Variants in KLHL29 observed in about 807,000 individuals in gnomAD.
KLHL29 encodes kelch-like protein 29.
In KLHL29, 21 loss-of-function variants were observed where a neutral mutation model predicts 80.4. That is an observed-to-expected ratio of 0.26 (90% CI 0.19 to 0.38). The LOEUF (loss-of-function observed/expected upper bound fraction) is 0.38, where lower values mean the gene tolerates loss of function less well. Ranked by LOEUF, KLHL29 falls within the 10% of genes least tolerant of loss-of-function variation. The probability of loss-of-function intolerance (pLI) is 1.00; values close to 1 mark genes in which losing one functional copy is unlikely to be tolerated. For synonymous variants in KLHL29, 511 were observed against 526.8 expected, an observed-to-expected ratio of 0.97 and a Z score of 0.41; for missense variants, 867 against 1,223.9, an observed-to-expected ratio of 0.71 and a Z score of 4.35.
chr2:23,389,770 G>A (rs995517744), intron 1 of KLHL29, among the ~76,000 whole-genome samples: 24 of 152,116 alleles, frequency 1.6e-4, no homozygotes, highest in African/African-American at 5.6e-4. Flanking sequence ...ATCTTTCACT[G>A]TGCTAGACAC....
At chr2:23,579,590 A>G (rs1667930341) in intron 3 of KLHL29, among the ~76,000 whole-genome samples, 1 of 152,086 alleles carries the variant, frequency 6.6e-6, no homozygotes, top group Non-Finnish European at 1.5e-5. Flanking sequence ...TTTTCCCTCC[A>G]GTCCCACTTC....
intron 3 of KLHL29, among the ~76,000 whole-genome samples, chr2:23,638,084 G>GAAAAAA (rs1164010247): frequency 3.0e-5 from 1 of 33,466 alleles, no homozygotes; most frequent in African/African-American, 1.3e-4. Flanking sequence ...AATGGCCATA[G>GAAAAAA]TAAAAAAAAA....
chr2:23,604,989 C>G (rs1216731434), intron 3 of KLHL29, among the ~76,000 whole-genome samples: 1 of 152,166 alleles, frequency 6.6e-6, no homozygotes, highest in African/African-American at 2.4e-5. Context: ...GCTGAGCGCC[C>G]CAACTCCACC....
intron 2 of KLHL29, among the ~76,000 whole-genome samples, chr2:23,526,615 G>C (rs1666328802): frequency 6.6e-6 from 1 of 152,192 alleles, no homozygotes; most frequent in Non-Finnish European, 1.5e-5. Context: ...GAGTGACCTG[G>C]CCTCCTCATG....
At chr2:23,522,493 G>A (rs1666134986) in intron 2 of KLHL29, among the ~76,000 whole-genome samples, 1 of 152,088 alleles carries the variant, frequency 6.6e-6, no homozygotes, top group Non-Finnish European at 1.5e-5. Context: ...GTTATGTTTG[G>A]GATCACAGAA....
At chr2:23,545,926 G>T (rs1246949270) in intron 2 of KLHL29, among the ~76,000 whole-genome samples, 1 of 152,206 alleles carries the variant, frequency 6.6e-6, no homozygotes, top group African/African-American at 2.4e-5. Context: ...AGACCCCTTT[G>T]TTGAGCCCCA....
At chr2:23,469,878 C>T (rs1664448285) in intron 1 of KLHL29, among the ~76,000 whole-genome samples, 4 of 151,794 alleles carry the variant, frequency 2.6e-5, no homozygotes, top group South Asian at 2.1e-4. Context: ...AGGGTCATTC[C>T]GGTTCTGCTT....
intron 2 of KLHL29, among the ~76,000 whole-genome samples, chr2:23,524,515 C>A (rs1050500927): frequency 1.1e-4 from 16 of 152,314 alleles, no homozygotes; most frequent in African/African-American, 3.8e-4. Context: ...GGCTGGCAGG[C>A]CAGTGGGCTG....
intron 3 of KLHL29, among the ~76,000 whole-genome samples, chr2:23,565,799 T>C (rs565651875): frequency 6.6e-6 from 1 of 152,350 alleles, no homozygotes; most frequent in East Asian, 1.9e-4. Flanking sequence ...GAGCCACATG[T>C]GGACCAGAGC....
chr2:23,671,061 TGGATG>T (rs58869348), intron 5 of KLHL29, among the ~76,000 whole-genome samples: 65,969 of 87,520 alleles, frequency 0.75, 28,834 homozygotes, highest in East Asian at 0.99. Flanking sequence ...GACTCCTCCC[TGGATG>T]GGATTCGCAG....
At chr2:23,611,233 A>G (rs949049183) in intron 3 of KLHL29, among the ~76,000 whole-genome samples, 2 of 152,196 alleles carry the variant, frequency 1.3e-5, no homozygotes, top group African/African-American at 4.8e-5. Flanking sequence ...GGTAAGCCTT[A>G]TGCTTACAGC....
intron 1 of KLHL29, among the ~76,000 whole-genome samples, chr2:23,446,193 A>C (rs1663670502): frequency 7.0e-6 from 1 of 143,678 alleles, no homozygotes; most frequent in Non-Finnish European, 1.5e-5. Flanking sequence ...TAGCTGTCTA[A>C]TGCATTTGGA....
intron 2 of KLHL29, among the ~76,000 whole-genome samples, chr2:23,505,749 G>A (rs1665579462): frequency 1.3e-5 from 2 of 152,236 alleles, no homozygotes; most frequent in Non-Finnish European, 2.9e-5. Flanking sequence ...TGCTCAAAAG[G>A]CACCCCCATA....
chr2:23,519,196 CACTG>C (rs1278916380), intron 2 of KLHL29, among the ~76,000 whole-genome samples: 1 of 152,318 alleles, frequency 6.6e-6, no homozygotes, highest in South Asian at 2.1e-4. Flanking sequence ...GGTAAACTGA[CACTG>C]ACCCTCCGCT....
intron 3 of KLHL29, among the ~76,000 whole-genome samples, chr2:23,618,504 G>A (rs62127262): frequency 3.3e-5 from 5 of 152,120 alleles, no homozygotes; most frequent in African/African-American, 1.2e-4. Context: ...TCTCCTGACC[G>A]CCTTTGAGTT....
chr2:23,649,773 C>T (rs1203086085), intron 5 of KLHL29, among the ~76,000 whole-genome samples: 2 of 152,230 alleles, frequency 1.3e-5, no homozygotes, highest in Admixed American at 6.5e-5. Flanking sequence ...ACATTTCCTT[C>T]CTGGGGGCTT....
chr2:23,696,634 T>C lies in KLHL29; in HGVS notation c.2105+121T>C. On this transcript the variant is annotated intron_variant, in intron 11 of 13. Coordinates refer to ENST00000486442, the MANE Select transcript of KLHL29 (RefSeq NM_052920.2). This position sits in a 1 kb window ranked among gnomAD's most constrained non-coding sequence, Gnocchi z 5.5. ...GATGGAGCAGAGCCTGGACCATTCA[T>C]ATGGGCAGTCATCCCAGGCTCTTCA... is the stretch of plus-strand genomic sequence containing the variant. The C allele has an allele frequency of 1.3e-6, 1 of 756,268 alleles. No homozygotes were observed. The highest frequency in any genetic ancestry group is 2.1e-6 in the Non-Finnish European group (1 of 476,562). The allele number at this position is 756,268 out of a possible 1,614,324, so 46.8% of individuals were successfully genotyped here. A position where few individuals can be genotyped will look rare whatever the true frequency, so the allele number is the denominator to read the frequency against.
chr2:23,437,106 G>A (rs566642955), intron 1 of KLHL29, among the ~76,000 whole-genome samples: 5 of 152,302 alleles, frequency 3.3e-5, no homozygotes, highest in South Asian at 4.1e-4. Flanking sequence ...TTGAAAGCCC[G>A]GGTTCAGCGG....
intron 1 of KLHL29, among the ~76,000 whole-genome samples, chr2:23,439,043 G>T (rs1471068861): frequency 6.7e-6 from 1 of 149,602 alleles, no homozygotes; most frequent in Non-Finnish European, 1.5e-5. Flanking sequence ...TCTTGGGAGA[G>T]TGTATGTGTC....
Sources: gnomAD v4.1 joint callset for allele counts (sites outside exome capture counted in the v4.1 genomes callset) on GRCh38, gnomAD v4.1.1 for gene constraint, Gnocchi (gnomAD v3.1) non-coding constraint, MANE v1.5 for transcripts, NCBI Gene and HGNC (gene_info 2026-07-23, HGNC 2026-07-21) for gene names.